KSR2: variants seen among roughly 807,000 people sequenced by gnomAD.
KSR2 encodes kinase suppressor of ras 2.
In KSR2, 25 loss-of-function variants were observed where a neutral mutation model predicts 107.8. That is an observed-to-expected ratio of 0.23 (90% CI 0.17 to 0.32). The LOEUF (loss-of-function observed/expected upper bound fraction) is 0.32. Ranked by LOEUF, KSR2 falls within the 10% of genes least tolerant of loss-of-function variation. KSR2 has a pLI of 1.00. For missense variants in KSR2, 887 were observed against 1,268.9 expected, an observed-to-expected ratio of 0.70 and a Z score of 4.57; for synonymous variants, 480 against 507.0, an observed-to-expected ratio of 0.95 and a Z score of 0.71.
At chr12:117,942,452 G>A (rs1738366788) in intron 1 of KSR2, among the ~76,000 whole-genome samples, 1 of 150,062 alleles carries the variant, frequency 6.7e-6, no homozygotes, top group South Asian at 2.1e-4. Context: ...AATTTTTCAA[G>A]TTCCCTCTAT....
At chr12:117,656,963 GATATATATATATAATAGGAT>G (rs1192464912) in intron 5 of KSR2, among the ~76,000 whole-genome samples, 6 of 88,832 alleles carry the variant, frequency 6.8e-5, no homozygotes, top group Non-Finnish European at 1.3e-4. Flanking sequence ...TATATAATAG[GATATATATATATAATAGGAT>G]ATATATATAT....
Position 117,897,352 on chromosome 12 carries a change from G to A in KSR2, c.181-36921C>T, listed in dbSNP as rs1283052254. On this transcript the variant is annotated intron_variant, in intron 1 of 19. Transcript: ENST00000339824. The surrounding 1 kb of genome is among the most constrained non-coding windows in gnomAD (Gnocchi z 4.5). ...TGAGAAGGTTGCTTTCCCTGACCCA[G>A]CAAGTCTGAGATCTCGGCTTCTTTT... Among the ~76,000 whole-genome samples the A allele has an allele frequency of 6.6e-6, 1 of 152,146 alleles. No homozygotes were observed. Among genetic ancestry groups the A allele is most frequent in the African/African-American group, 2.4e-5 (1 of 41,436 alleles).
chr12:117,456,605 T>G lies in KSR2; in HGVS notation c.*10594A>C, dbSNP rs932136570. The stretch of plus-strand genomic sequence containing the variant: ...AGGGCAGAGCCCCAGCCAACTCAAC[T>G]GTCTTCTTGGAAGGTGTCCCAATTC... On this transcript the variant is annotated 3_prime_UTR_variant, in exon 20 of 20. Transcript: ENST00000339824. The G allele has an allele frequency of 6.6e-6, 1 of 152,224 alleles. No individual in the cohort carries two copies. Among genetic ancestry groups the G allele is most frequent in the Non-Finnish European group, 1.5e-5 (1 of 68,068 alleles). 9.4% of individuals were successfully genotyped at this position (152,224 alleles called of 1,614,324 possible).
chr12:117,660,457 G>T (rs1884387410), intron 5 of KSR2, among the ~76,000 whole-genome samples: 1 of 152,112 alleles, frequency 6.6e-6, no homozygotes. Flanking sequence ...TCCAATCTCT[G>T]TCCCTATCTT....
intron 9 of KSR2, among the ~76,000 whole-genome samples, chr12:117,542,927 TAGTTTCTTCCTTTTGATTGCCG>T (rs1452490701): frequency 7.9e-5 from 12 of 152,232 alleles, no homozygotes; most frequent in Middle Eastern, 3.2e-3. Flanking sequence ...CAGGTATCGA[TAGTTTCTTCCTTTTGATTGCCG>T]AGTTTCTTCC....
At chr12:117,641,176 C>A (rs908727211) in intron 5 of KSR2, among the ~76,000 whole-genome samples, 3 of 152,156 alleles carry the variant, frequency 2.0e-5, no homozygotes, top group East Asian at 1.9e-4. Context: ...TGGCTCACTG[C>A]GACCTCTGCC....
At chr12:117,772,899 G>A (rs1889556747) in intron 3 of KSR2, among the ~76,000 whole-genome samples, 1 of 152,236 alleles carries the variant, frequency 6.6e-6, no homozygotes, top group African/African-American at 2.4e-5. Context: ...GAAGCAGAGA[G>A]GAAGAAAAGT....
chr12:117,883,991 G>A (rs1894103486), intron 1 of KSR2, among the ~76,000 whole-genome samples: 1 of 151,992 alleles, frequency 6.6e-6, no homozygotes, highest in Non-Finnish European at 1.5e-5. Flanking sequence ...GCCGTGGGGA[G>A]CTTCAGAAGT....
chr12:117,590,713 T>C (rs1880268225), intron 5 of KSR2, among the ~76,000 whole-genome samples: 2 of 152,142 alleles, frequency 1.3e-5, no homozygotes, highest in Non-Finnish European at 1.5e-5. Flanking sequence ...AAAGTTTAAT[T>C]GGCACACAGC....
intron 5 of KSR2, among the ~76,000 whole-genome samples, chr12:117,614,450 G>C (rs951183010): frequency 2.0e-5 from 3 of 152,210 alleles, no homozygotes; most frequent in Admixed American, 2.0e-4. Flanking sequence ...GATTGGATTT[G>C]TTTGGGCTAA....
chr12:117,645,371 T>C (rs1303131981), intron 5 of KSR2, among the ~76,000 whole-genome samples: 3 of 152,208 alleles, frequency 2.0e-5, no homozygotes, highest in Non-Finnish European at 4.4e-5. Context: ...CTCTGTTACT[T>C]ATATCAGAAA....
intron 4 of KSR2, among the ~76,000 whole-genome samples, chr12:117,731,345 C>CA (rs1359339059): frequency 1.2e-4 from 18 of 145,334 alleles, no homozygotes; most frequent in Admixed American, 3.4e-4. Context: ...GGAGCCCCCC[C>CA]GCCCAGCAGC....
At chr12:117,691,196 G>A (rs911670755) in intron 4 of KSR2, among the ~76,000 whole-genome samples, 4 of 152,190 alleles carry the variant, frequency 2.6e-5, no homozygotes, top group Admixed American at 2.6e-4. Flanking sequence ...AAACAAAATT[G>A]CTGCATTTTT....
intron 14 of KSR2, among the ~76,000 whole-genome samples, chr12:117,491,273 G>A (rs1041805936): frequency 8.5e-5 from 13 of 152,114 alleles, no homozygotes; most frequent in African/African-American, 2.9e-4. Flanking sequence ...TCTGCCTCCC[G>A]GGTTCAAGTA....
At chr12:117,810,515 G>A (rs116488683) in intron 3 of KSR2, among the ~76,000 whole-genome samples, 3,214 of 152,148 alleles carry the variant, frequency 0.021, 121 homozygotes, top group African/African-American at 0.073. Context: ...GTCTCACTAC[G>A]TTGCCCAGAC....
intron 1 of KSR2, among the ~76,000 whole-genome samples, 195 bp from the exon 2 acceptor site, chr12:117,860,626 G>A (rs764492451): frequency 1.7e-4 from 26 of 152,196 alleles, no homozygotes; most frequent in Non-Finnish European, 2.5e-4. Flanking sequence ...GGCGGCTCTA[G>A]CATCTTGCTT....
intron 5 of KSR2, among the ~76,000 whole-genome samples, chr12:117,590,097 C>A (rs912537160): frequency 2.0e-5 from 3 of 152,230 alleles, no homozygotes; most frequent in African/African-American, 7.2e-5. Flanking sequence ...AGAGAAGTTT[C>A]CTGGGGCTCC....
intron 4 of KSR2, among the ~76,000 whole-genome samples, chr12:117,747,641 G>T (rs11068672): frequency 6.6e-6 from 1 of 151,794 alleles, no homozygotes; most frequent in African/African-American, 2.4e-5. Context: ...AATGGGCAAA[G>T]AACCTGAATA....
At chr12:117,638,571 A>G (rs1164245803) in intron 5 of KSR2, among the ~76,000 whole-genome samples, 1 of 152,202 alleles carries the variant, frequency 6.6e-6, no homozygotes, top group African/African-American at 2.4e-5. Flanking sequence ...TATGAAGTTC[A>G]AAACTATGCA....
Sources: allele counts gnomAD v4.1 joint callset (sites outside exome capture counted in the v4.1 genomes callset), GRCh38; gene constraint gnomAD v4.1.1; non-coding constraint Gnocchi (gnomAD v3.1); transcripts MANE v1.5; gene names NCBI Gene and HGNC (gene_info 2026-07-23, HGNC 2026-07-21).